The following CADPS variants were observed in gnomAD, a reference collection of about 807,000 sequenced individuals.
CADPS encodes calcium-dependent secretion activator 1.
Under a neutral mutation model 167.3 loss-of-function variants are expected in CADPS, and 57 were observed. The observed-to-expected ratio is 0.34, with a 90% confidence interval of 0.28 to 0.42. The LOEUF is 0.42. Among genes scored for constraint, CADPS ranks in the 20% least tolerant of loss-of-function variants. The pLI is 1.00. For synonymous variants in CADPS, 676 were observed against 635.3 expected (o/e 1.06, Z -0.96); for missense variants, 1,414 against 1,738.1 (o/e 0.81, Z 3.32).
chr3:62,520,433 T>C (rs556509405), intron 13 of CADPS, among the ~76,000 whole-genome samples: 82 of 152,358 alleles, frequency 5.4e-4, no homozygotes, highest in African/African-American at 1.9e-3. Context: ...AAGTATCAGA[T>C]AGCAGCTTCT....
intron 17 of CADPS, among the ~76,000 whole-genome samples, chr3:62,502,824 A>G (rs1240903503): frequency 6.6e-6 from 1 of 152,300 alleles, no homozygotes; most frequent in Non-Finnish European, 1.5e-5. Flanking sequence ...GAGGAGGCCC[A>G]GGATGTGGCA....
At chr3:62,516,722 C>G in intron 14 of CADPS, 79 bp from the exon 15 acceptor site, 1 of 996,422 alleles carries the variant, frequency 1.0e-6, no homozygotes, top group African/African-American at 1.6e-5. Context: ...ATTCCTATAG[C>G]AACTCTCTCT....
chr3:62,852,391 G>A (rs565886297), intron 1 of CADPS, among the ~76,000 whole-genome samples: 20 of 152,166 alleles, frequency 1.3e-4, no homozygotes, highest in African/African-American at 3.9e-4. Flanking sequence ...GCTGTAGACC[G>A]GAGCTGTTCC....
chr3:62,742,244 T>C (rs141120220), intron 3 of CADPS, among the ~76,000 whole-genome samples: 300 of 152,126 alleles, frequency 2.0e-3, no homozygotes, highest in African/African-American at 7.2e-3. Context: ...TAAACTATCA[T>C]TGAGATTTTT....
At chr3:62,703,050 T>C (rs373431282) in intron 3 of CADPS, among the ~76,000 whole-genome samples, 2 of 152,146 alleles carry the variant, frequency 1.3e-5, no homozygotes, top group African/African-American at 4.8e-5. Flanking sequence ...GACTGTTTCA[T>C]AATTATGTCA....
At chr3:62,643,410 G>A (rs973853687) in intron 6 of CADPS, among the ~76,000 whole-genome samples, 1 of 152,134 alleles carries the variant, frequency 6.6e-6, no homozygotes, top group African/African-American at 2.4e-5. Flanking sequence ...TGACTGAAGA[G>A]GAATCAAAAA....
At chr3:62,744,223 G>T (rs2080951326) in intron 3 of CADPS, among the ~76,000 whole-genome samples, 1 of 152,060 alleles carries the variant, frequency 6.6e-6, no homozygotes, top group East Asian at 1.9e-4. Context: ...ATACTTGGTA[G>T]GTATAATTGA....
At chr3:62,837,881 C>T (rs1413696716) in intron 1 of CADPS, among the ~76,000 whole-genome samples, 1 of 152,144 alleles carries the variant, frequency 6.6e-6, no homozygotes, top group Non-Finnish European at 1.5e-5. Flanking sequence ...CAAGTACTGC[C>T]ACACAATGAG....
At chr3:62,730,066 G>A (rs994022950) in intron 3 of CADPS, among the ~76,000 whole-genome samples, 1 of 151,940 alleles carries the variant, frequency 6.6e-6, no homozygotes, top group African/African-American at 2.4e-5. Context: ...ATCAGCCAGA[G>A]TCTCTGAAGT....
intron 3 of CADPS, among the ~76,000 whole-genome samples, chr3:62,707,304 T>A (rs1298579153): frequency 1.3e-5 from 2 of 152,172 alleles, no homozygotes; most frequent in East Asian, 3.9e-4. Flanking sequence ...GGTGAAGCAG[T>A]TTCATCCCAA....
intron 3 of CADPS, among the ~76,000 whole-genome samples, chr3:62,736,751 T>C (rs1055322334): frequency 1.3e-5 from 2 of 152,200 alleles, no homozygotes; most frequent in African/African-American, 4.8e-5. Flanking sequence ...TTCTAGTGGA[T>C]TTCTTACTAT....
At chr3:62,674,033 C>A (rs942438727) in intron 3 of CADPS, among the ~76,000 whole-genome samples, 1 of 152,108 alleles carries the variant, frequency 6.6e-6, no homozygotes, top group Non-Finnish European at 1.5e-5. Flanking sequence ...ACCTCATTTT[C>A]AAACACTGAT....
chr3:62,487,217 G>T (rs1038783085), intron 21 of CADPS, among the ~76,000 whole-genome samples: 13 of 152,342 alleles, frequency 8.5e-5, no homozygotes, highest in Admixed American at 5.2e-4. Flanking sequence ...TCAGGGAAAA[G>T]GTAGTAGGCA....
At position 62,492,337 on chromosome 3, in the gene CADPS, T is replaced by C; in HGVS notation, c.2837A>G (p.Asp946Gly). The change falls in exon 20 of 30, where the codon GAC becomes GGC. Residue 946 changes from aspartate to glycine, a missense_variant. Physicochemically the swap from Asp to Gly is moderately conservative, Grantham distance 94 (BLOSUM62 -1). Coordinates refer to ENST00000383710, the MANE Select transcript of CADPS (RefSeq NM_003716.4). ...CAGCAGCTGAAATAGTGGAAAACTGTCCCATGTGTCTGGAGGTTGCACCTC... is the reference window on the plus strand; with the variant it reads ...CAGCAGCTGAAATAGTGGAAAACTGCCCCATGTGTCTGGAGGTTGCACCTC... The part of the protein sequence containing the change: ...ALEVQPPDTW[D>G]SFPLFQLLND... 1.2e-6 allele frequency: 2 copies of C among 1,614,084 alleles called. No individual in the cohort carries two copies. Among genetic ancestry groups the C allele is most frequent in the Non-Finnish European group, 1.7e-6 (2 of 1,179,950 alleles).
At chr3:62,663,720 T>A (rs2073859733) in intron 3 of CADPS, among the ~76,000 whole-genome samples, 1 of 152,154 alleles carries the variant, frequency 6.6e-6, no homozygotes, top group Admixed American at 6.5e-5. Context: ...ATGGTCATAC[T>A]TTTGAAGCAT....
At chr3:62,666,988 A>G (rs750581223) in intron 3 of CADPS, among the ~76,000 whole-genome samples, 1 of 151,112 alleles carries the variant, frequency 6.6e-6, no homozygotes, top group African/African-American at 2.4e-5. Context: ...AAAATGACAA[A>G]ATGTGCTGCA....
rs1393960968 is a variant in CADPS, at chr3:62,651,008, T to C, written c.1042A>G (p.Asn348Asp). ...MYIEELKSSVNLLMANLESMP... is the reference protein window; with the variant it reads ...MYIEELKSSVDLLMANLESMP... ...CTCTCCAAGTTGGCCATGAGCAGGTTGACAGATGACTTCAGCTCCTCAATG... is the reference window on the plus strand; with the variant it reads ...CTCTCCAAGTTGGCCATGAGCAGGTCGACAGATGACTTCAGCTCCTCAATG... Residue 348 changes from asparagine (N) to aspartate (D), a missense_variant, in exon 5 of 30, where the codon AAC becomes GAC. Coordinates refer to ENST00000383710, the MANE Select transcript of CADPS (RefSeq NM_003716.4). 1 of 1,614,160 alleles carries C rather than the reference T, an allele frequency of 6.2e-7. No homozygotes were observed.
intron 3 of CADPS, among the ~76,000 whole-genome samples, chr3:62,751,084 G>T (rs952154413): frequency 6.6e-6 from 1 of 152,086 alleles, no homozygotes; most frequent in African/African-American, 2.4e-5. Context: ...CTAACAGATT[G>T]CAGAAAGGCT....
chr3:62,468,437 T>A (rs1456613316), intron 24 of CADPS, among the ~76,000 whole-genome samples: 1 of 152,150 alleles, frequency 6.6e-6, no homozygotes, highest in Admixed American at 6.5e-5. Context: ...CTTGAAAAAC[T>A]GGGCTGAAGT....
Sources: gnomAD v4.1 joint callset for allele counts (sites outside exome capture counted in the v4.1 genomes callset) on GRCh38, gnomAD v4.1.1 for gene constraint, MANE v1.5 for transcripts, NCBI Gene and HGNC (gene_info 2026-07-23, HGNC 2026-07-21) for gene names.